Variants in PTPN12 observed in about 807,000 individuals in gnomAD.
PTPN12 encodes tyrosine-protein phosphatase non-receptor type 12.
PTPN12 carries 29 observed loss-of-function variants against 97.6 expected under a neutral mutation model. The observed-to-expected ratio is 0.30, with a 90% CI of 0.22 to 0.41. The LOEUF is 0.41. Ranked by LOEUF, PTPN12 falls within the 10% of genes least tolerant of loss-of-function variation. The pLI, the probability that PTPN12 is intolerant of heterozygous loss-of-function variation, is 1.00. For synonymous variants in PTPN12, 327 were observed against 300.4 expected, an observed-to-expected ratio of 1.09 and a Z score of -0.91; for missense variants, 819 against 926.0, an observed-to-expected ratio of 0.88 and a Z score of 1.50.
At chr7:77,616,192 C>CA (rs1788744135) in intron 11 of PTPN12, among the ~76,000 whole-genome samples, 1 of 152,114 alleles carries the variant, frequency 6.6e-6, no homozygotes, top group Non-Finnish European at 1.5e-5. Flanking sequence ...CATTTTTTGT[C>CA]AAAATCTTAC....
intron 1 of PTPN12, among the ~76,000 whole-genome samples, chr7:77,540,647 CTT>C (rs77085606): frequency 1.8e-4 from 25 of 139,072 alleles, no homozygotes; most frequent in Admixed American, 2.2e-4. Flanking sequence ...TTTTATAGGG[CTT>C]TTTTTTTTTT....
chr7:77,591,941 A>G (rs1050120107), intron 5 of PTPN12, among the ~76,000 whole-genome samples: 1 of 152,182 alleles, frequency 6.6e-6, no homozygotes, highest in African/African-American at 2.4e-5. Flanking sequence ...GACCTGGCAG[A>G]TAGCAATGAA....
chr7:77,571,329 C>A, intron 2 of PTPN12, 143 bp downstream of exon 2: 1 of 570,870 alleles, frequency 1.8e-6, no homozygotes, highest in Non-Finnish European at 3.0e-6. Context: ...GATAATAATT[C>A]ATAATTGTGC....
At chr7:77,602,956 A>G (rs921327384) in intron 8 of PTPN12, among the ~76,000 whole-genome samples, 19 of 151,962 alleles carry the variant, frequency 1.3e-4, no homozygotes, top group African/African-American at 4.4e-4. Flanking sequence ...TTTTCAGTGG[A>G]GTTGAAGCAT....
chr7:77,623,718 A>G (rs1261147530), intron 12 of PTPN12, among the ~76,000 whole-genome samples: 1 of 152,234 alleles, frequency 6.6e-6, no homozygotes, highest in African/African-American at 2.4e-5. Context: ...TGTCTCAATA[A>G]AAAATATGTA....
rs1381727147 is a variant in PTPN12 at position 77,583,967 on chromosome 7, C to T, written c.381+317C>T. ...TAGGTCAGTAAAATACTTGATAGTA[C>T]AGTTATACTCATTTGAGTCCCTCTT... On this transcript the variant is annotated intron_variant, in intron 4 of 17. Coordinates refer to ENST00000248594, the MANE Select transcript of PTPN12 (RefSeq NM_002835.4). 3.3e-5 allele frequency: 7 copies of T among 213,052 alleles called. No homozygotes were observed. In the East Asian group the frequency reaches 6.1e-4, roughly 18 times the overall value. The allele number at this position is 213,052 out of a possible 1,614,324, so 13.2% of individuals were successfully genotyped here. A position where few individuals can be genotyped will look rare whatever the true frequency, so the allele number is the denominator to read the frequency against.
At chr7:77,622,612 A>C (rs1184689054) in intron 12 of PTPN12, among the ~76,000 whole-genome samples, 1 of 152,042 alleles carries the variant, frequency 6.6e-6, no homozygotes, top group African/African-American at 2.4e-5. Flanking sequence ...TACTAAAAAT[A>C]CAAAAAAAAT....
At chr7:77,564,746 G>GTTTTTTTGTTTT (rs1808165507) in intron 1 of PTPN12, among the ~76,000 whole-genome samples, 27 of 45,398 alleles carry the variant, frequency 5.9e-4, no homozygotes, top group African/African-American at 9.0e-4. Flanking sequence ...TTGTTGTCGT[G>GTTTTTTTGTTTT]TTTTTTTTTT....
At chr7:77,546,904 T>C (rs1819815) in intron 1 of PTPN12, among the ~76,000 whole-genome samples, 106,497 of 152,018 alleles carry the variant, frequency 0.7, 38,270 homozygotes, top group East Asian at 0.9. Context: ...ATCAGGAGAA[T>C]AGCATGGGGG....
At chr7:77,571,296 C>T in intron 2 of PTPN12, 110 bp downstream of exon 2, 1 of 652,878 alleles carries the variant, frequency 1.5e-6, no homozygotes. Flanking sequence ...AGTAATTAAC[C>T]TATCTTTCAA....
At chr7:77,610,317 C>T (rs867249730) in intron 9 of PTPN12, among the ~76,000 whole-genome samples, 16 of 152,172 alleles carry the variant, frequency 1.1e-4, no homozygotes, top group Admixed American at 1.3e-4. Flanking sequence ...TCCTAAATAT[C>T]CTTATCTTCT....
intron 1 of PTPN12, among the ~76,000 whole-genome samples, chr7:77,560,790 A>G (rs898415825): frequency 2.0e-5 from 3 of 152,104 alleles, no homozygotes; most frequent in East Asian, 3.8e-4. Flanking sequence ...TTGTTTATCT[A>G]TTTGCCCATA....
chr7:77,591,712 T>C (rs889498175), intron 5 of PTPN12, among the ~76,000 whole-genome samples: 1 of 152,174 alleles, frequency 6.6e-6, no homozygotes, highest in African/African-American at 2.4e-5. Flanking sequence ...GGAGTAGAAT[T>C]AGTACTTGCA....
chr7:77,619,227 T>C (rs1330210307), intron 12 of PTPN12, among the ~76,000 whole-genome samples: 1 of 152,186 alleles, frequency 6.6e-6, no homozygotes, highest in African/African-American at 2.4e-5. Context: ...TAGAATATTT[T>C]ATAGTGTCTT....
chr7:77,592,921 A>G (rs1324233678), intron 6 of PTPN12, among the ~76,000 whole-genome samples: 1 of 152,182 alleles, frequency 6.6e-6, no homozygotes, highest in African/African-American at 2.4e-5. Context: ...TTTAAAATAG[A>G]ACCAAGTTTT....
intron 7 of PTPN12, among the ~76,000 whole-genome samples, chr7:77,598,706 T>C (rs771238234): frequency 7.9e-5 from 12 of 151,770 alleles, no homozygotes; most frequent in Non-Finnish European, 1.6e-4. Flanking sequence ...AAAAATAAAA[T>C]AAATGTTTTA....
chr7:77,618,496 A>G lies in PTPN12; in HGVS notation c.956A>G (p.Glu319Gly). ...IADGVNEINT[E>G]NMVSSIEPEK... ...CCTTGGCAGAATGAAATTAACACTG[A>G]AAACATGGTCAGCTCCATAGAGCCT... The change falls in exon 12 of 18, where the codon GAA becomes GGA. Residue 319 changes from glutamate (E) to glycine (G), a missense_variant. Glu to Gly is a moderately conservative substitution (Grantham distance 98, BLOSUM62 -2). This residue lies in a region of PTPN12 where 607 missense variants were observed against 577.3 expected (regional missense o/e 1.05). Coordinates refer to ENST00000248594, the MANE Select transcript of PTPN12 (RefSeq NM_002835.4). 1 of 1,599,616 alleles carries G rather than the reference A, an allele frequency of 6.3e-7. No individual in the cohort carries two copies. Among genetic ancestry groups the G allele is most frequent in the Non-Finnish European group, 8.5e-7 (1 of 1,170,930 alleles).
At chr7:77,594,880 A>G (rs952245468) in intron 6 of PTPN12, among the ~76,000 whole-genome samples, 5 of 152,248 alleles carry the variant, frequency 3.3e-5, no homozygotes, top group Admixed American at 1.3e-4. Context: ...AACATCAACA[A>G]CAAACCAACT....
chr7:77,626,974 G>A lies in PTPN12; in HGVS notation c.1295G>A (p.Arg432Gln), dbSNP rs774042061. 8.7e-6 allele frequency: 14 copies of A among 1,609,570 alleles called. No individual in the cohort carries two copies. Among genetic ancestry groups the A allele is most frequent in the East Asian group, 2.2e-5 (1 of 44,872 alleles). Residue 432 changes from arginine (R) to glutamine (Q), a missense_variant, in exon 13 of 18, where the codon CGA (arginine) becomes CAA (glutamine). Arg to Gln is a conservative substitution (Grantham distance 43). Coordinates refer to ENST00000248594, the MANE Select transcript of PTPN12 (RefSeq NM_002835.4). ...TIEQIDKKLE[R>Q]NLSFEIKKVP... ...GAACAGATAGATAAAAAATTGGAAC[G>A]AAATTTAAGTTTTGAGATTAAGAAG...
Sources: gnomAD v4.1 joint callset for allele counts (sites outside exome capture counted in the v4.1 genomes callset) on GRCh38, gnomAD v4.1.1 for gene constraint, gnomAD v4.1.1 regional missense constraint, MANE v1.5 for transcripts, NCBI Gene and HGNC (gene_info 2026-07-23, HGNC 2026-07-21) for gene names.